MBOAT2: variants seen among roughly 807,000 people sequenced by gnomAD.
MBOAT2 encodes membrane-bound glycerophospholipid O-acyltransferase 2.
A neutral mutation model predicts 63.4 loss-of-function variants in MBOAT2; 28 were observed. That is an observed-to-expected ratio of 0.44 (90% CI 0.33 to 0.61). The LOEUF is 0.61. Ranked by LOEUF, MBOAT2 falls within the 20% of genes least tolerant of loss-of-function variation. MBOAT2 has a pLI of 0.03. For synonymous variants in MBOAT2, 211 were observed against 215.6 expected (o/e 0.98, Z 0.19); for missense variants, 470 against 605.8 (o/e 0.78, Z 2.35).
At chr2:8,908,435 T>G (rs1308135489) in intron 4 of MBOAT2, 186 bp downstream of exon 4, 1 of 466,084 alleles carries the variant, frequency 2.1e-6, no homozygotes, top group African/African-American at 2.0e-5. Context: ...ACAAGGCTCT[T>G]ACTGACTTAG....
At chr2:8,940,708 T>A (rs964669522) in intron 3 of MBOAT2, among the ~76,000 whole-genome samples, 6 of 152,174 alleles carry the variant, frequency 3.9e-5, no homozygotes, top group Non-Finnish European at 8.8e-5. Flanking sequence ...ATATATATAT[T>A]TGAATTTACA....
At chr2:8,860,347 T>G (rs1661407810) in intron 12 of MBOAT2, among the ~76,000 whole-genome samples, 1 of 152,150 alleles carries the variant, frequency 6.6e-6, no homozygotes, top group South Asian at 2.1e-4. Flanking sequence ...AACAAGTTTT[T>G]TGTTAAATTT....
At chr2:8,926,854 T>G (rs1225034879) in intron 3 of MBOAT2, among the ~76,000 whole-genome samples, 4 of 152,080 alleles carry the variant, frequency 2.6e-5, no homozygotes, top group South Asian at 4.1e-4. Flanking sequence ...AACAGTGGAT[T>G]TGACATGGGT....
intron 6 of MBOAT2, among the ~76,000 whole-genome samples, chr2:8,878,805 G>A (rs1487713237): frequency 2.6e-5 from 4 of 152,062 alleles, no homozygotes; most frequent in South Asian, 2.1e-4. Context: ...GGCCGGGCGC[G>A]GTGGCTCACG....
At chr2:8,958,807 C>T (rs910359737) in intron 1 of MBOAT2, among the ~76,000 whole-genome samples, 165 bp from the exon 2 acceptor site, 1 of 152,164 alleles carries the variant, frequency 6.6e-6, no homozygotes, top group East Asian at 1.9e-4. Flanking sequence ...GGATGAGCCT[C>T]AAGTTCCAAG....
At position 8,854,654 on chromosome 2, in the gene MBOAT2, A is replaced by T. The variant is rs979091423; in HGVS notation, c.*4025T>A. 7 of 152,246 alleles carry T rather than the reference A, an allele frequency of 4.6e-5. No individual in the cohort carries two copies. Among genetic ancestry groups the T allele is most frequent in the Non-Finnish European group, 4.4e-5 (3 of 68,038 alleles). 9.4% of individuals were successfully genotyped at this position (152,246 alleles called of 1,614,324 possible). A position where few individuals can be genotyped will look rare whatever the true frequency, so the allele number is the denominator to read the frequency against. On this transcript the variant is annotated 3_prime_UTR_variant, in exon 13 of 13. Transcript: ENST00000305997. ...TTGTGAACAGTTGATAAGGAAACAA[A>T]AAAAGTATAAATGTCCAGATTTGTT... is the stretch of plus-strand genomic sequence containing the variant.
chr2:8,943,152 A>G lies in MBOAT2; in HGVS notation c.299+35T>C. ...TTTGATGCAGTTCTATTCAAGTGAAATATATATTTTCATGTGAACAAAGTG... is the reference window on the plus strand; with the variant it reads ...TTTGATGCAGTTCTATTCAAGTGAAGTATATATTTTCATGTGAACAAAGTG... On this transcript the variant is annotated intron_variant, in intron 3 of 12. Transcript: ENST00000305997. 2.4e-6 allele frequency: 3 copies of G among 1,251,070 alleles called. No homozygotes were observed. In the South Asian group the frequency reaches 4.8e-5, roughly 20 times the overall value. 77.5% of individuals were successfully genotyped at this position (1,251,070 alleles called of 1,614,324 possible). A position where few individuals can be genotyped will look rare whatever the true frequency, so the allele number is the denominator to read the frequency against.
chr2:8,972,689 C>T, intron 1 of MBOAT2, among the ~76,000 whole-genome samples: 1 of 152,076 alleles, frequency 6.6e-6, no homozygotes, highest in Non-Finnish European at 1.5e-5. Context: ...ACAAACAACC[C>T]CATCAAAAAG....
At chr2:8,872,603 T>C (rs900907670) in intron 8 of MBOAT2, among the ~76,000 whole-genome samples, 8 of 152,176 alleles carry the variant, frequency 5.3e-5, no homozygotes, top group African/African-American at 1.7e-4. Context: ...AAAGCCACGA[T>C]TGCATGTTAT....
At chr2:8,860,329 A>C (rs530420957) in intron 12 of MBOAT2, among the ~76,000 whole-genome samples, 72 of 152,252 alleles carry the variant, frequency 4.7e-4, no homozygotes, top group Non-Finnish European at 9.1e-4. Context: ...GTTCAGGACA[A>C]TTAAGCTAAC....
In MBOAT2 at chr2:8,958,547, A is replaced by G. The variant is rs1481424473; in HGVS notation, c.171T>C (p.His57=). Residue 57 remains histidine, a synonymous_variant, in exon 2 of 13, where the codon CAT becomes CAC. Coordinates refer to ENST00000305997, the MANE Select transcript of MBOAT2 (RefSeq NM_138799.4). The stretch of plus-strand genomic sequence containing the variant: ...AAAGGCCCAAAAGGGTAGCAACTAC[A>G]TGTCTTATAAAAGAGCTAGTTTTGC... The part of the protein sequence containing the change: ...HSSKTSSFIR[H]VVATLLGLYL... 6.2e-7 allele frequency: 1 copy of G among 1,610,446 alleles called. No individual in the cohort carries two copies. Among genetic ancestry groups the G allele is most frequent in the East Asian group, 2.2e-5 (1 of 44,846 alleles).
chr2:8,873,144 C>A lies in MBOAT2; in HGVS notation c.847G>T (p.Ala283Ser), dbSNP rs772283165. Residue 283 changes from alanine (A) to serine (S), a missense_variant, in exon 8 of 13, where the codon GCT (alanine) becomes TCT (serine). Transcript: ENST00000305997. Reference protein sequence around the residue: ...KIIYLYISLLAARPKYYFAWT... With the variant: ...KIIYLYISLLSARPKYYFAWT... ...GCAAAATAGTATTTGGGTCTGGCAG[C>A]CAAAAGAGAGATATACAGATAGATA... 22 of 1,613,838 alleles carry A rather than the reference C, an allele frequency of 1.4e-5. No individual in the cohort carries two copies. The African/African-American group carries it at 1.9e-4, about 14-fold the overall frequency.
intron 1 of MBOAT2, among the ~76,000 whole-genome samples, chr2:8,984,252 A>G (rs980607721): frequency 2.6e-5 from 4 of 152,188 alleles, no homozygotes; most frequent in African/African-American, 9.6e-5. Context: ...AGGGGAAAAT[A>G]GGGAGTTGCT....
At chr2:8,981,642 G>T (rs771628794) in intron 1 of MBOAT2, among the ~76,000 whole-genome samples, 34 of 152,058 alleles carry the variant, frequency 2.2e-4, no homozygotes, top group Non-Finnish European at 4.0e-4. Context: ...AGAAAAGCAG[G>T]ATGAGAGAGG....
chr2:8,950,179 A>C (rs1201185434), intron 2 of MBOAT2, among the ~76,000 whole-genome samples: 2 of 152,178 alleles, frequency 1.3e-5, no homozygotes, highest in Non-Finnish European at 2.9e-5. Context: ...GTAGCCTGAA[A>C]TCTTGCTACA....
At chr2:8,882,445 A>G (rs1307164865) in intron 6 of MBOAT2, 66 bp downstream of exon 6, 11 of 1,512,410 alleles carry the variant, frequency 7.3e-6, no homozygotes, top group Non-Finnish European at 9.2e-6. Context: ...CCTCAGCCAC[A>G]GAAGGAACGT....
intron 5 of MBOAT2, among the ~76,000 whole-genome samples, chr2:8,885,881 T>C (rs1663513776): frequency 6.6e-6 from 1 of 152,240 alleles, no homozygotes; most frequent in African/African-American, 2.4e-5. Context: ...GGGGTGGTCC[T>C]GAACCAGGCT....
At chr2:8,974,305 A>G in intron 1 of MBOAT2, 1 of 452,094 alleles carries the variant, frequency 2.2e-6, no homozygotes, top group Non-Finnish European at 4.5e-6. Context: ...ATGGCTAGGG[A>G]TTACTGGGAA....
At chr2:8,876,914 G>C in intron 7 of MBOAT2, 116 bp downstream of exon 7, 1 of 1,047,576 alleles carries the variant, frequency 9.5e-7, no homozygotes, top group South Asian at 1.8e-5. Flanking sequence ...TATTTATCTT[G>C]AAAAGTATTT....
Sources: gnomAD v4.1 joint callset for allele counts (sites outside exome capture counted in the v4.1 genomes callset) on GRCh38, gnomAD v4.1.1 for gene constraint, MANE v1.5 for transcripts, NCBI Gene and HGNC (gene_info 2026-07-23, HGNC 2026-07-21) for gene names.